RUNX1: variants seen among roughly 807,000 people sequenced by gnomAD.
RUNX1 encodes runt-related transcription factor 1.
A neutral mutation model predicts 42.8 loss-of-function variants in RUNX1; 19 were observed. That is an observed-to-expected ratio of 0.44 (90% CI 0.31 to 0.65). The LOEUF is 0.65. Among genes scored for constraint, RUNX1 ranks in the 30% least tolerant of loss-of-function variants. The pLI is 0.07. For missense variants in RUNX1, 528 were observed against 672.0 expected (o/e 0.79, Z 2.37); for synonymous variants, 271 against 289.4 (o/e 0.94, Z 0.64).
chr21:34,907,770 A>T lies in RUNX1; in HGVS notation c.59-14807T>A, dbSNP rs560060771. ...GAAGGATTATTATGAAATAAAACAG[A>T]GTGAAGCTGTTTTGAAGGCCATCCT... is the stretch of plus-strand genomic sequence containing the variant. On this transcript the variant is annotated intron_variant, in intron 2 of 8. Transcript: ENST00000675419. The surrounding 1 kb of genome is among the most constrained non-coding windows in gnomAD (Gnocchi z 5.3). Among the ~76,000 whole-genome samples the T allele has an allele frequency of 2.0e-5, 3 of 152,206 alleles. No homozygotes were observed. Among genetic ancestry groups the T allele is most frequent in the Non-Finnish European group, 4.4e-5 (3 of 68,040 alleles).
At chr21:34,892,877 A>G (rs763951293) in intron 3 of RUNX1, 48 bp downstream of exon 3, 15 of 1,053,484 alleles carry the variant, frequency 1.4e-5, no homozygotes, top group Non-Finnish European at 2.1e-5. Context: ...ATACACATCT[A>G]TGAAGGTGTG....
At chr21:34,987,245 C>T (rs73203026) in intron 2 of RUNX1, among the ~76,000 whole-genome samples, 184 of 152,328 alleles carry the variant, frequency 1.2e-3, no homozygotes, top group Non-Finnish European at 1.6e-3. Flanking sequence ...AATTAAATCT[C>T]GCTTCGTCCG....
chr21:34,821,534 C>A, intron 7 of RUNX1: 1 of 1,519,936 alleles, frequency 6.6e-7, no homozygotes, highest in Non-Finnish European at 8.9e-7. Context: ...AATTACAGAC[C>A]CACATTCTGC....
At chr21:34,858,502 C>T (rs920267883) in intron 6 of RUNX1, among the ~76,000 whole-genome samples, 2 of 152,234 alleles carry the variant, frequency 1.3e-5, no homozygotes, top group African/African-American at 4.8e-5. Context: ...CTCTGTAGCT[C>T]ACTGAAGGCT....
intron 2 of RUNX1, among the ~76,000 whole-genome samples, chr21:35,026,923 C>G (rs574737073): frequency 1.5e-4 from 23 of 152,368 alleles, no homozygotes; most frequent in African/African-American, 4.8e-4. Context: ...GTGGTTTTCT[C>G]GCTCTCGCAA....
rs187363304 is a variant in RUNX1, at chr21:34,999,728, A to T, written c.58+49114T>A. Reference sequence around the variant, plus strand: ...CCTTCAGCCCACGGAAAGCACATGGAAAATGAGTGGAAGACCTGGCTCCCT... The same window carrying T: ...CCTTCAGCCCACGGAAAGCACATGGTAAATGAGTGGAAGACCTGGCTCCCT... On this transcript the variant is annotated intron_variant, in intron 2 of 8. Transcript: ENST00000675419. 1.1e-3 allele frequency among the ~76,000 whole-genome samples: 161 copies of T among 152,338 alleles called. 2 individuals carry two copies. Among genetic ancestry groups the T allele is most frequent in the Middle Eastern group, 6.8e-3 (2 of 294 alleles).
intron 2 of RUNX1, among the ~76,000 whole-genome samples, chr21:35,035,952 GT>G (rs1386608156): frequency 6.6e-6 from 1 of 152,180 alleles, no homozygotes; most frequent in Admixed American, 6.5e-5. Context: ...AACTGAGAGG[GT>G]TAAGGGTTGG....
intron 5 of RUNX1, among the ~76,000 whole-genome samples, chr21:34,860,100 T>A (rs1267928148): frequency 6.6e-6 from 1 of 152,256 alleles, no homozygotes; most frequent in African/African-American, 2.4e-5. Context: ...ATTTTAAATA[T>A]TATTTGAAAA....
At chr21:35,009,413 T>C (rs906477907) in intron 2 of RUNX1, among the ~76,000 whole-genome samples, 13 of 152,300 alleles carry the variant, frequency 8.5e-5, no homozygotes, top group African/African-American at 2.9e-4. Context: ...TGTTCACCAA[T>C]ATAATCTTGA....
rs1442083773 is a variant in RUNX1, at chr21:34,843,913, AG to A, written c.614-9313del. On this transcript the variant is annotated intron_variant, in intron 6 of 8. Coordinates refer to ENST00000675419, the MANE Select transcript of RUNX1 (RefSeq NM_001754.5). This position sits in a 1 kb window ranked among gnomAD's most constrained non-coding sequence, Gnocchi z 4.8. ...AGGTAACTTGAGCTCAGGGCAGAGA[AG>A]CCACCTGCTGGCTTTTGCTCTTGAC... Among the ~76,000 whole-genome samples, 1 of 152,224 alleles carries A rather than the reference AG, an allele frequency of 6.6e-6. No individual in the cohort carries two copies. The highest frequency in any genetic ancestry group is 1.5e-5 in the Non-Finnish European group (1 of 68,036).
In RUNX1 at chr21:34,886,091, A is replaced by G. The variant is rs555370752; in HGVS notation, c.351+752T>C. Among the ~76,000 whole-genome samples, 79 of 152,328 alleles carry G rather than the reference A, an allele frequency of 5.2e-4. 1 individual carries two copies. The highest frequency in any genetic ancestry group is 3.4e-3 in the Middle Eastern group (1 of 294). ...CCGGCTACGCGCCGCCCCCTCCTCTAGCAGGAAAGCGGGCCGCTGGGACCC... is the reference window on the plus strand; with the variant it reads ...CCGGCTACGCGCCGCCCCCTCCTCTGGCAGGAAAGCGGGCCGCTGGGACCC... On this transcript the variant is annotated intron_variant, in intron 4 of 8. Transcript: ENST00000675419.
intron 6 of RUNX1, among the ~76,000 whole-genome samples, chr21:34,853,145 G>T (rs1358908851): frequency 6.6e-6 from 1 of 152,160 alleles, no homozygotes; most frequent in Non-Finnish European, 1.5e-5. Flanking sequence ...CCCGGGGTCA[G>T]GTCCCCCTTC....
At chr21:34,939,592 C>T (rs8134296) in intron 2 of RUNX1, among the ~76,000 whole-genome samples, 1,576 of 152,300 alleles carry the variant, frequency 0.01, 24 homozygotes, top group African/African-American at 0.031. Context: ...TACACACTAG[C>T]ACTTAGGCCC....
At chr21:34,890,456 G>C (rs2058068235) in intron 3 of RUNX1, among the ~76,000 whole-genome samples, 1 of 152,178 alleles carries the variant, frequency 6.6e-6, no homozygotes, top group South Asian at 2.1e-4. Flanking sequence ...AGGCCTCCCC[G>C]CTGTGCGGCC....
At chr21:34,974,845 G>A (rs1286515055) in intron 2 of RUNX1, among the ~76,000 whole-genome samples, 4 of 152,146 alleles carry the variant, frequency 2.6e-5, no homozygotes, top group Non-Finnish European at 4.4e-5. Flanking sequence ...AGACTTTTGA[G>A]GAAAACATTT....
chr21:34,960,260 C>T (rs753760085), intron 2 of RUNX1, among the ~76,000 whole-genome samples: 15 of 152,288 alleles, frequency 9.8e-5, no homozygotes, highest in South Asian at 6.2e-4. Flanking sequence ...CCTGCTGCCC[C>T]GGCTCCCGAT....
chr21:34,990,859 G>A lies in RUNX1; in HGVS notation c.58+57983C>T, dbSNP rs140105033. 3.7e-4 allele frequency among the ~76,000 whole-genome samples: 56 copies of A among 152,204 alleles called. 2 individuals carry two copies. The East Asian group carries it at 0.01, about 28-fold the overall frequency. ...ACCCGCCTCGGCCTTCCAAAGTGCT[G>A]GGATTATAGGAGTGAGCCACCGTGC... is the stretch of plus-strand genomic sequence containing the variant. On this transcript the variant is annotated intron_variant, in intron 2 of 8. Transcript: ENST00000675419.
chr21:34,909,852 TCTCCTC>T (rs1209940190), intron 2 of RUNX1, among the ~76,000 whole-genome samples: 3 of 151,858 alleles, frequency 2.0e-5, no homozygotes, highest in Admixed American at 6.6e-5. Context: ...ATCTCCATTG[TCTCCTC>T]CTCCTCCTCC....
intron 3 of RUNX1, among the ~76,000 whole-genome samples, chr21:34,889,228 C>T (rs1224342182): frequency 6.6e-6 from 1 of 151,622 alleles, no homozygotes; most frequent in African/African-American, 2.4e-5. Context: ...GGCGGGGGTG[C>T]GATTTGGCCG....
Sources: gnomAD v4.1 joint callset for allele counts (sites outside exome capture counted in the v4.1 genomes callset) on GRCh38, gnomAD v4.1.1 for gene constraint, Gnocchi (gnomAD v3.1) non-coding constraint, MANE v1.5 for transcripts, NCBI Gene and HGNC (gene_info 2026-07-23, HGNC 2026-07-21) for gene names.